NELL1: variants seen among roughly 807,000 people sequenced by gnomAD.
The protein encoded by NELL1 is neural EGFL like 1, also known as protein kinase C-binding protein NELL1.
Under a neutral mutation model 107.4 loss-of-function variants are expected in NELL1, and 76 were observed. The ratio of observed to expected loss-of-function variants is 0.71; its 90% CI spans 0.59 to 0.86. NELL1 has a LOEUF of 0.86. Among genes scored for constraint, NELL1 ranks in the 40% least tolerant of loss-of-function variants. The pLI is 0.00. For missense variants in NELL1, 1,024 were observed against 1,005.5 expected (o/e 1.02, Z -0.25); for synonymous variants, 353 against 341.2 (o/e 1.03, Z -0.38).
intron 13 of NELL1, among the ~76,000 whole-genome samples, chr11:21,133,495 C>T (rs1432672149): frequency 6.6e-6 from 1 of 152,086 alleles, no homozygotes; most frequent in African/African-American, 2.4e-5. Flanking sequence ...CTGAGGGGTG[C>T]CTGCAGGCCC....
chr11:21,318,849 A>AGATGG (rs886367156), intron 14 of NELL1, among the ~76,000 whole-genome samples: 1 of 152,210 alleles, frequency 6.6e-6, no homozygotes, highest in Non-Finnish European at 1.5e-5. Flanking sequence ...CCCTAGAGTC[A>AGATGG]GATGGGGTGA....
rs190192902 is a variant in NELL1 at position 21,352,818 on chromosome 11, A to G, written c.1550-18035A>G. 2.6e-5 allele frequency among the ~76,000 whole-genome samples: 4 copies of G among 152,308 alleles called. No individual in the cohort carries two copies. In the East Asian group the frequency reaches 7.7e-4, roughly 29 times the overall value. The stretch of plus-strand genomic sequence containing the variant: ...GTCCTTGAGGCCCAAATGTTATTAA[A>G]TGATTTCTCTGGGAAACTTTGCTTC... On this transcript the variant is annotated intron_variant, in intron 14 of 19. Transcript: ENST00000357134.
intron 12 of NELL1, among the ~76,000 whole-genome samples, chr11:20,967,960 A>T (rs1851419518): frequency 6.6e-6 from 1 of 152,066 alleles, no homozygotes; most frequent in Non-Finnish European, 1.5e-5. Context: ...AATTCTTTGC[A>T]TCCCTCCAAT....
chr11:21,365,693 G>T lies in NELL1; in HGVS notation c.1550-5160G>T, dbSNP rs1851203730. On this transcript the variant is annotated intron_variant, in intron 14 of 19. Transcript: ENST00000357134. ...GTAATATACTCTGTGCTTTAGAAGA[G>T]AATGATAATATGAAAAGCAAGTATT... Among the ~76,000 whole-genome samples, 3 of 152,040 alleles carry T rather than the reference G, an allele frequency of 2.0e-5. No individual in the cohort carries two copies. In the South Asian group the frequency reaches 6.2e-4, roughly 32 times the overall value.
At chr11:20,897,927 C>T (rs997522341) in intron 5 of NELL1, among the ~76,000 whole-genome samples, 1 of 152,146 alleles carries the variant, frequency 6.6e-6, no homozygotes, top group Non-Finnish European at 1.5e-5. Flanking sequence ...AACACAGGTG[C>T]TGGAGAGGAT....
chr11:20,750,624 G>A (rs377479347), intron 2 of NELL1, among the ~76,000 whole-genome samples: 19 of 151,682 alleles, frequency 1.3e-4, no homozygotes, highest in Admixed American at 2.0e-4. Flanking sequence ...ATTCTGTCAC[G>A]TCACTCAGGC....
intron 12 of NELL1, among the ~76,000 whole-genome samples, chr11:20,981,007 T>G (rs1851738295): frequency 6.6e-6 from 1 of 152,318 alleles, no homozygotes; most frequent in South Asian, 2.1e-4. Context: ...TCCTGAGGCT[T>G]TCAGTAATCT....
intron 15 of NELL1, among the ~76,000 whole-genome samples, chr11:21,412,710 T>A (rs1852409125): frequency 1.3e-5 from 2 of 152,040 alleles, no homozygotes; most frequent in African/African-American, 4.8e-5. Context: ...CTGTGAAAAT[T>A]CCAGAAATAG....
At chr11:21,333,249 A>G (rs1850311345) in intron 14 of NELL1, among the ~76,000 whole-genome samples, 1 of 150,666 alleles carries the variant, frequency 6.6e-6, no homozygotes, top group Non-Finnish European at 1.5e-5. Flanking sequence ...CTCATTTAAG[A>G]CAATGGATAC....
At chr11:20,867,886 A>G (rs1267333898) in intron 4 of NELL1, among the ~76,000 whole-genome samples, 1 of 152,208 alleles carries the variant, frequency 6.6e-6, no homozygotes, top group Admixed American at 6.5e-5. Context: ...AAAGAGTCTC[A>G]AAATTCCATT....
chr11:21,211,593 A>C (rs1857498692), intron 13 of NELL1, among the ~76,000 whole-genome samples: 1 of 152,078 alleles, frequency 6.6e-6, no homozygotes, highest in African/African-American at 2.4e-5. Flanking sequence ...GGCAATGGGG[A>C]ATGTGAGGAG....
intron 14 of NELL1, among the ~76,000 whole-genome samples, chr11:21,343,916 A>G (rs926674576): frequency 6.6e-6 from 1 of 152,164 alleles, no homozygotes; most frequent in Non-Finnish European, 1.5e-5. Context: ...GGAGTGTACT[A>G]TGCCCTCCAA....
chr11:21,029,505 C>T (rs1293704713), intron 12 of NELL1, among the ~76,000 whole-genome samples: 1 of 152,122 alleles, frequency 6.6e-6, no homozygotes, highest in Non-Finnish European at 1.5e-5. Flanking sequence ...ACCACCGTCA[C>T]CATCACTGTG....
chr11:21,235,213 C>T (rs1858174702), intron 14 of NELL1, among the ~76,000 whole-genome samples: 2 of 152,086 alleles, frequency 1.3e-5, no homozygotes, highest in Non-Finnish European at 2.9e-5. Context: ...TGTCTGATAT[C>T]AGGGGATGGT....
At chr11:20,897,736 C>T (rs924867007) in intron 5 of NELL1, among the ~76,000 whole-genome samples, 3 of 152,174 alleles carry the variant, frequency 2.0e-5, no homozygotes, top group Admixed American at 2.0e-4. Flanking sequence ...AAACAAACAA[C>T]CCCATCAACA....
chr11:21,320,408 G>A (rs1274604951), intron 14 of NELL1, among the ~76,000 whole-genome samples: 1 of 152,152 alleles, frequency 6.6e-6, no homozygotes, highest in East Asian at 1.9e-4. Context: ...CACCGTGATA[G>A]AGAGGCACTA....
At chr11:21,225,630 T>C (rs1465498580) in intron 13 of NELL1, among the ~76,000 whole-genome samples, 1 of 152,190 alleles carries the variant, frequency 6.6e-6, no homozygotes, top group African/African-American at 2.4e-5. Flanking sequence ...AGGTGAGTGC[T>C]GGACACCTCT....
At chr11:20,779,388 G>A (rs1196644258) in intron 2 of NELL1, among the ~76,000 whole-genome samples, 1 of 152,276 alleles carries the variant, frequency 6.6e-6, no homozygotes. Context: ...TCTATGTTTA[G>A]CATGTTTCAC....
At chr11:21,290,574 A>G (rs115503481) in intron 14 of NELL1, among the ~76,000 whole-genome samples, 1,584 of 152,180 alleles carry the variant, frequency 0.01, 32 homozygotes, top group African/African-American at 0.037. Context: ...AGGGGTTGAG[A>G]GACACCTCAT....
Sources: allele counts gnomAD v4.1 joint callset (sites outside exome capture counted in the v4.1 genomes callset), GRCh38; gene constraint gnomAD v4.1.1; transcripts MANE v1.5; gene names NCBI Gene and HGNC (gene_info 2026-07-23, HGNC 2026-07-21).